Variants in NIPA1 observed in about 807,000 individuals in gnomAD.
The protein encoded by NIPA1 is NIPA magnesium transporter 1.
A neutral mutation model predicts 23.9 loss-of-function variants in NIPA1; 13 were observed. The ratio of observed to expected loss-of-function variants is 0.54; its 90% CI spans 0.35 to 0.87. The LOEUF is 0.87. Ranked by LOEUF, NIPA1 falls within the 40% of genes least tolerant of loss-of-function variation. The pLI is 0.01. For missense variants in NIPA1, 362 were observed against 429.7 expected (o/e 0.84, Z 1.39); for synonymous variants, 234 against 202.9 (o/e 1.15, Z -1.30).
At chr15:22,790,159 A>G (rs374215077) in intron 1 of NIPA1, among the ~76,000 whole-genome samples, 2 of 152,152 alleles carry the variant, frequency 1.3e-5, no homozygotes, top group Admixed American at 6.5e-5. Context: ...AAGAGGGCCA[A>G]GCTGGCAACT....
intron 1 of NIPA1, among the ~76,000 whole-genome samples, chr15:22,791,684 A>G (rs958802571): frequency 6.6e-6 from 1 of 151,712 alleles, no homozygotes; most frequent in African/African-American, 2.4e-5. Flanking sequence ...GGGTTTCACC[A>G]TATTGGCCAG....
At chr15:22,790,614 A>G (rs1292547377) in intron 1 of NIPA1, among the ~76,000 whole-genome samples, 1 of 151,794 alleles carries the variant, frequency 6.6e-6, no homozygotes, top group Non-Finnish European at 1.5e-5. Flanking sequence ...AGGTTTCTCC[A>G]TATTGGTCAG....
In NIPA1 at chr15:22,823,952, G is replaced by T; in HGVS notation, c.703G>T (p.Ala235Ser). ...RALCLCLVLL[A>S]VLGCSIIVQF... ...CCTCTGCCTGTGCCTGGTACTCCTG[G>T]CCGTGCTCGGCTGCAGCATCATCGT... The change falls in exon 5 of 5, where the codon GCC becomes TCC. Residue 235 changes from alanine (A) to serine (S), a missense_variant. Physicochemically the swap from Ala to Ser is moderately conservative, Grantham distance 99 (BLOSUM62 1). This residue lies in a region of NIPA1 where 277 missense variants were observed against 372.0 expected (regional missense o/e 0.74). Coordinates refer to ENST00000337435, the MANE Select transcript of NIPA1 (RefSeq NM_144599.5). The T allele has an allele frequency of 1.2e-6, 2 of 1,614,190 alleles. No homozygotes were observed. Among genetic ancestry groups the T allele is most frequent in the Non-Finnish European group, 1.7e-6 (2 of 1,180,030 alleles).
At chr15:22,795,203 G>A (rs1894915850) in intron 1 of NIPA1, among the ~76,000 whole-genome samples, 1 of 152,126 alleles carries the variant, frequency 6.6e-6, no homozygotes, top group South Asian at 2.1e-4. Flanking sequence ...TAGGCATGGT[G>A]AGAAGGGCGT....
Position 22,786,701 on chromosome 15 carries a change from G to GGCC in NIPA1, c.47_49dup (p.Ala16dup), listed in dbSNP as rs758882039. 7 of 1,122,304 alleles carry GGCC rather than the reference G, an allele frequency of 6.2e-6. No homozygotes were observed. The highest frequency in any genetic ancestry group is 2.9e-5 in the South Asian group (1 of 34,082). The allele number at this position is 1,122,304 out of a possible 1,614,324, so 69.5% of individuals were successfully genotyped here. A position where few individuals can be genotyped will look rare whatever the true frequency, so the allele number is the denominator to read the frequency against. On this transcript the variant is annotated inframe_insertion, in exon 1 of 5. Transcript: ENST00000337435. ...CAGCGGCGGCGGCGGCGGCGGCGGC[G>GGCC]GCCGGGGAGGGGGCGCGTAGCCCGA...
Position 22,825,709 on chromosome 15 carries a change from A to G in NIPA1, c.*1470A>G, listed in dbSNP as rs1010096112. 1.3e-5 allele frequency: 2 copies of G among 152,478 alleles called. No homozygotes were observed. Among genetic ancestry groups the G allele is most frequent in the African/African-American group, 4.8e-5 (2 of 41,446 alleles). The allele number at this position is 152,478 out of a possible 1,614,324, so 9.4% of individuals were successfully genotyped here. A position where few individuals can be genotyped will look rare whatever the true frequency, so the allele number is the denominator to read the frequency against. On this transcript the variant is annotated 3_prime_UTR_variant, in exon 5 of 5. Coordinates refer to ENST00000337435, the MANE Select transcript of NIPA1 (RefSeq NM_144599.5). Reference sequence around the variant, plus strand: ...CTAGCTTCTACAAATTGCAATATGCAGTTTTTGAAAGATTTTCTAACAAAA... The same window carrying G: ...CTAGCTTCTACAAATTGCAATATGCGGTTTTTGAAAGATTTTCTAACAAAA...
rs562154497 is a variant in NIPA1, at chr15:22,826,665, T to A, written c.*2426T>A. On this transcript the variant is annotated 3_prime_UTR_variant, in exon 5 of 5. Transcript: ENST00000337435. Reference sequence around the variant, plus strand: ...ATTGATACTGAGAGGTGATACCCGATGATCTTCTCTATAATATTCTTAGAG... The same window carrying A: ...ATTGATACTGAGAGGTGATACCCGAAGATCTTCTCTATAATATTCTTAGAG... 6.6e-6 allele frequency: 1 copy of A among 152,310 alleles called. No individual in the cohort carries two copies. Among genetic ancestry groups the A allele is most frequent in the South Asian group, 2.1e-4 (1 of 4,828 alleles). The allele number at this position is 152,310 out of a possible 1,614,324, so 9.4% of individuals were successfully genotyped here.
chr15:22,805,239 A>G (rs1895183081), intron 1 of NIPA1, among the ~76,000 whole-genome samples: 1 of 152,218 alleles, frequency 6.6e-6, no homozygotes, highest in Admixed American at 6.5e-5. Flanking sequence ...CTGCATATCT[A>G]ATAACCAACA....
chr15:22,807,991 G>A (rs1411736124), intron 1 of NIPA1, among the ~76,000 whole-genome samples: 2 of 151,918 alleles, frequency 1.3e-5, no homozygotes, highest in Non-Finnish European at 2.9e-5. Flanking sequence ...GGGTTTCACT[G>A]TGTTAGCCGG....
chr15:22,786,573 C>T (rs1894702335), upstream of NIPA1: 5 of 390,206 alleles, frequency 1.3e-5, no homozygotes, highest in Non-Finnish European at 1.8e-5. Flanking sequence ...CTCCCCTCCC[C>T]CGCCCGCGCC....
At chr15:22,819,822 TTA>T (rs1895500909) in intron 3 of NIPA1, among the ~76,000 whole-genome samples, 1 of 152,220 alleles carries the variant, frequency 6.6e-6, no homozygotes, top group Non-Finnish European at 1.5e-5. Context: ...CTGGTGTATT[TTA>T]TATGTGCTGA....
At chr15:22,816,047 A>G (rs576952713) in intron 3 of NIPA1, among the ~76,000 whole-genome samples, 38 of 152,260 alleles carry the variant, frequency 2.5e-4, no homozygotes, top group African/African-American at 8.7e-4. Context: ...TAAGCTGCCT[A>G]CTTTCACCTC....
chr15:22,816,778 A>G (rs1895428488), intron 3 of NIPA1, among the ~76,000 whole-genome samples: 1 of 151,810 alleles, frequency 6.6e-6, no homozygotes. Flanking sequence ...GGCATGAGCC[A>G]CCACACCCAG....
At chr15:22,801,503 G>A (rs1895078763) in intron 1 of NIPA1, among the ~76,000 whole-genome samples, 1 of 131,778 alleles carries the variant, frequency 7.6e-6, no homozygotes, top group Admixed American at 8.9e-5. Context: ...AACACTTCTA[G>A]CGACTTTTTT....
At chr15:22,814,219 T>A (rs1454758943) in intron 3 of NIPA1, 3 of 702,004 alleles carry the variant, frequency 4.3e-6, no homozygotes, top group Non-Finnish European at 6.3e-6. Flanking sequence ...TCAAAGATGA[T>A]TATCAAAGTG....
At chr15:22,809,319 A>G (rs112228232) in intron 1 of NIPA1, among the ~76,000 whole-genome samples, 44,114 of 151,964 alleles carry the variant, frequency 0.29, 7,602 homozygotes, top group Admixed American at 0.42. Context: ...CCCAGGAGGC[A>G]GAGGTTGTAG....
At chr15:22,789,121 C>G (rs565410720) in intron 1 of NIPA1, among the ~76,000 whole-genome samples, 1 of 151,604 alleles carries the variant, frequency 6.6e-6, no homozygotes, top group South Asian at 2.1e-4. Flanking sequence ...GCCTCCCGAG[C>G]TGGGATTACA....
chr15:22,786,674 GGCA>G lies in NIPA1; in HGVS notation c.21_23del (p.Ala16del), dbSNP rs769916931. On this transcript the variant is annotated inframe_deletion, in exon 1 of 5. Coordinates refer to ENST00000337435, the MANE Select transcript of NIPA1 (RefSeq NM_144599.5). ...CGGGCGGAATGGGGACTGCAGCTGCGGCAGCGGCGGCGGCGGCGGCGGCGGCGG... is the reference window on the plus strand; with the variant it reads ...CGGGCGGAATGGGGACTGCAGCTGCGGCGGCGGCGGCGGCGGCGGCGGCGG... 2.2e-4 allele frequency: 232 copies of G among 1,074,954 alleles called. No individual in the cohort carries two copies. The highest frequency in any genetic ancestry group is 2.1e-3 in the South Asian group (57 of 27,150). The allele number at this position is 1,074,954 out of a possible 1,614,324, so 66.6% of individuals were successfully genotyped here.
At position 22,823,961 on chromosome 15, in the gene NIPA1, G is replaced by A. The variant is rs771984383; in HGVS notation, c.712G>A (p.Gly238Ser). The A allele has an allele frequency of 2.8e-5, 45 of 1,614,062 alleles. No homozygotes were observed. Among genetic ancestry groups the A allele is most frequent in the East Asian group, 6.7e-5 (3 of 44,890 alleles). The change falls in exon 5 of 5, where the codon GGC becomes AGC. Residue 238 changes from glycine to serine, a missense_variant. By Grantham distance (56) the Gly-to-Ser change is moderately conservative. This residue lies in a region of NIPA1 where 277 missense variants were observed against 372.0 expected (regional missense o/e 0.74). Coordinates refer to ENST00000337435, the MANE Select transcript of NIPA1 (RefSeq NM_144599.5). ...CLCLVLLAVL[G>S]CSIIVQFRYI... ...GTGCCTGGTACTCCTGGCCGTGCTCGGCTGCAGCATCATCGTCCAGTTCAG... is the reference window on the plus strand; with the variant it reads ...GTGCCTGGTACTCCTGGCCGTGCTCAGCTGCAGCATCATCGTCCAGTTCAG...
Sources: allele counts gnomAD v4.1 joint callset (sites outside exome capture counted in the v4.1 genomes callset), GRCh38; gene constraint gnomAD v4.1.1; regional missense constraint gnomAD v4.1.1; transcripts MANE v1.5; gene names NCBI Gene and HGNC (gene_info 2026-07-23, HGNC 2026-07-21).